Variants in ARHGAP45 observed in about 807,000 individuals in gnomAD.
ARHGAP45 encodes rho GTPase-activating protein 45.
Under a neutral mutation model 116.1 loss-of-function variants are expected in ARHGAP45, and 56 were observed. The observed-to-expected ratio is 0.48, with a 90% CI of 0.39 to 0.60. The LOEUF is 0.60. Among genes scored for constraint, ARHGAP45 ranks in the 20% least tolerant of loss-of-function variants. ARHGAP45 has a pLI of 0.00. For synonymous variants in ARHGAP45, 866 were observed against 701.7 expected, an observed-to-expected ratio of 1.23 and a Z score of -3.70; for missense variants, 1,622 against 1,601.0, an observed-to-expected ratio of 1.01 and a Z score of -0.22.
At chr19:1,073,877 C>G in intron 5 of ARHGAP45, 71 bp from the exon 6 acceptor site, 1 of 1,530,614 alleles carries the variant, frequency 6.5e-7, no homozygotes. Flanking sequence ...AGGCAGCAAC[C>G]GTCCCCTGAA....
At chr19:1,067,572 C>T (rs767394846) in intron 1 of ARHGAP45, 77 bp downstream of exon 1, 60 of 1,364,860 alleles carry the variant, frequency 4.4e-5, no homozygotes, top group Non-Finnish European at 2.7e-5. Flanking sequence ...GCTCGGGGCT[C>T]ATGCTGGGGC....
At chr19:1,083,987 C>A (rs1388057384) in intron 21 of ARHGAP45, among the ~76,000 whole-genome samples, 1 of 152,036 alleles carries the variant, frequency 6.6e-6, no homozygotes, top group Non-Finnish European at 1.5e-5. Context: ...GTGATCCGCA[C>A]CCCCCTTGGC....
In ARHGAP45 at chr19:1,078,174, T is replaced by C. The variant is rs868692337; in HGVS notation, c.1374+129T>C. On this transcript the variant is annotated intron_variant, in intron 11 of 22. Coordinates refer to ENST00000313093, the MANE Select transcript of ARHGAP45 (RefSeq NM_012292.5). ...TTTGTTTGTTTTTGAGACGGAGTCT[T>C]GCTCTGTCGCCCAGGCTGGAGTGCA... 136 of 1,406,810 alleles carry C rather than the reference T, an allele frequency of 9.7e-5. 1 individual carries two copies. In the Middle Eastern group the frequency reaches 2.4e-3, roughly 25 times the overall value. 87.1% of individuals were successfully genotyped at this position (1,406,810 alleles called of 1,614,324 possible).
intron 21 of ARHGAP45, 71 bp from the exon 22 acceptor site, chr19:1,084,167 G>A: frequency 7.1e-7 from 1 of 1,400,556 alleles, no homozygotes; most frequent in Non-Finnish European, 1.0e-6. Flanking sequence ...GGCTGTGTGG[G>A]TGGGTTTGTT....
chr19:1,078,193 GAGTGC>G (rs1191151914), intron 11 of ARHGAP45, 148 bp downstream of exon 11: 1 of 1,314,108 alleles, frequency 7.6e-7, no homozygotes, highest in East Asian at 2.6e-5. Context: ...GCCCAGGCTG[GAGTGC>G]AGTGGCACAG....
intron 11 of ARHGAP45, 32 bp from the exon 12 acceptor site, chr19:1,079,671 G>A (rs1180602137): frequency 1.9e-6 from 3 of 1,610,444 alleles, no homozygotes; most frequent in African/African-American, 2.7e-5. Flanking sequence ...CCGGGCTGAG[G>A]CCTCTCTCTG....
chr19:1,076,666 T>G (rs1207087799), intron 10 of ARHGAP45, among the ~76,000 whole-genome samples: 2 of 151,832 alleles, frequency 1.3e-5, no homozygotes, highest in African/African-American at 2.4e-5. Flanking sequence ...CTGGCTAATT[T>G]TTGTATTTTT....
chr19:1,075,015 G>T, intron 10 of ARHGAP45, 136 bp downstream of exon 10: 1 of 599,192 alleles, frequency 1.7e-6, no homozygotes, highest in Non-Finnish European at 2.3e-6. Flanking sequence ...GCGCGGCCTC[G>T]CAGGCTGGGC....
In ARHGAP45 at chr19:1,074,324, AC is replaced by A. The variant is rs776360887; in HGVS notation, c.929-15del. 17 of 1,611,398 alleles carry A rather than the reference AC, an allele frequency of 1.1e-5. No homozygotes were observed. Among genetic ancestry groups the A allele is most frequent in the Non-Finnish European group, 1.4e-5 (16 of 1,179,102 alleles). ...GGAAGGCCTTGTCCCAGCACCTCAC[AC>A]CCCTCTCCGGCCCGCAGAGATGGAG... On this transcript the variant is annotated intron_variant, in intron 7 of 22. Coordinates refer to ENST00000313093, the MANE Select transcript of ARHGAP45 (RefSeq NM_012292.5).
chr19:1,085,686 G>A lies in ARHGAP45; in HGVS notation c.3091G>A (p.Asp1031Asn). 1 of 1,587,440 alleles carries A rather than the reference G, an allele frequency of 6.3e-7. No homozygotes were observed. Among genetic ancestry groups the A allele is most frequent in the South Asian group, 1.1e-5 (1 of 89,400 alleles). Residue 1031 changes from aspartate (D) to asparagine (N), a missense_variant, in exon 23 of 23, where the codon GAC (aspartate) becomes AAC (asparagine). Physicochemically the swap from Asp to Asn is conservative, Grantham distance 23 (BLOSUM62 1). Transcript: ENST00000313093. ...RESRVVSNDS[D>N]SDLEEASELL... is the part of the protein sequence containing the mutation. ...ATCCCGAGTTGTGTCCAACGATTCG[G>A]ACTCGGACCTAGAGGAGGCCTCCGA...
chr19:1,073,123 C>A, intron 2 of ARHGAP45, 26 bp from the exon 3 acceptor site: 1 of 1,594,002 alleles, frequency 6.3e-7, no homozygotes, highest in Non-Finnish European at 8.5e-7. Flanking sequence ...CCCTACCCCA[C>A]TGCTCACTCC....
chr19:1,084,286 C>T lies in ARHGAP45; in HGVS notation c.3004C>T (p.Leu1002=). The T allele has an allele frequency of 1.2e-6, 2 of 1,613,116 alleles. No homozygotes were observed. The highest frequency in any genetic ancestry group is 1.7e-6 in the Non-Finnish European group (2 of 1,179,648). The change falls in exon 22 of 23, where the codon CTG becomes TTG. Residue 1002 remains leucine, a synonymous_variant. Transcript: ENST00000313093. The stretch of plus-strand genomic sequence containing the variant: ...TGAGGTAGTCGTCCAGGTGCCGTAC[C>T]TGGAGGCGGGCGAGGCGGTGGTCTA... The part of the protein sequence containing the change: ...RAEVVVQVPY[L]EAGEAVVYPL...
At chr19:1,077,542 C>G in intron 10 of ARHGAP45, 2 of 1,087,194 alleles carry the variant, frequency 1.8e-6, no homozygotes, top group South Asian at 3.7e-5. Flanking sequence ...CACCACAATG[C>G]CCGGCTAATT....
upstream of ARHGAP45, chr19:1,066,279 G>A: frequency 1.3e-6 from 1 of 779,724 alleles, no homozygotes; most frequent in South Asian, 1.9e-5. Flanking sequence ...TCACACTGCG[G>A]GGTGGGGGTT....
At position 1,083,214 on chromosome 19, in the gene ARHGAP45, T is replaced by C; in HGVS notation, c.2816T>C (p.Leu939Pro). 6.2e-7 allele frequency: 1 copy of C among 1,610,496 alleles called. No homozygotes were observed. Among genetic ancestry groups the C allele is most frequent in the Non-Finnish European group, 8.5e-7 (1 of 1,179,024 alleles). Residue 939 changes from leucine to proline, a missense_variant, in exon 21 of 23, where the codon CTT (leucine) becomes CCT (proline). Coordinates refer to ENST00000313093, the MANE Select transcript of ARHGAP45 (RefSeq NM_012292.5). ...NLGIVFGPTLLRPRPTEATVS... is the reference protein window; with the variant it reads ...NLGIVFGPTLPRPRPTEATVS... ...GGCATCGTGTTCGGGCCCACGCTGCTTCGGCCACGGCCCACCGAGGCCACC... is the reference window on the plus strand; with the variant it reads ...GGCATCGTGTTCGGGCCCACGCTGCCTCGGCCACGGCCCACCGAGGCCACC...
rs1481565478 is a variant in ARHGAP45, at chr19:1,080,544, G to A, written c.1909G>A (p.Ala637Thr). ...CAGTGGGCTGGACCCCGGCCCTGGC[G>A]CAGGTGAGGGAGGCTCTCTGGCGGG... ...SDSGLDPGPG[A>T]GDFKKFERTS... is the part of the protein sequence containing the mutation. The change falls in exon 15 of 23, where the codon GCA (alanine) becomes ACA (threonine). Residue 637 changes from alanine to threonine, a missense_variant. Coordinates refer to ENST00000313093, the MANE Select transcript of ARHGAP45 (RefSeq NM_012292.5). The A allele has an allele frequency of 1.9e-6, 3 of 1,612,698 alleles. No individual in the cohort carries two copies. The highest frequency in any genetic ancestry group is 2.5e-6 in the Non-Finnish European group (3 of 1,179,830).
In ARHGAP45 at chr19:1,077,867, A is replaced by C; in HGVS notation, c.1196A>C (p.Glu399Ala). ...HRAQRKLQEA[E>A]SNLRKAKQGY... is the part of the protein sequence containing the mutation. ...CTCCCACACCCACAGCAAGAGGCGGAGTCCAACCTGCGCAAGGCCAAGCAG... is the reference window on the plus strand; with the variant it reads ...CTCCCACACCCACAGCAAGAGGCGGCGTCCAACCTGCGCAAGGCCAAGCAG... Residue 399 changes from glutamate to alanine, a missense_variant, in exon 11 of 23, where the codon GAG becomes GCG. This residue lies in a region of ARHGAP45 where 1,334 missense variants were observed against 1,263.8 expected (regional missense o/e 1.06). Coordinates refer to ENST00000313093, the MANE Select transcript of ARHGAP45 (RefSeq NM_012292.5). 1 of 1,553,304 alleles carries C rather than the reference A, an allele frequency of 6.4e-7. No individual in the cohort carries two copies. Among genetic ancestry groups the C allele is most frequent in the Non-Finnish European group, 8.7e-7 (1 of 1,148,228 alleles).
At position 1,074,091 on chromosome 19, in the gene ARHGAP45, CCG is replaced by C. The variant is rs1248510096; in HGVS notation, c.791-12_791-11del. ...GGGTCGGGCCAGGCTGAGCAGGCCC[CCG>C]TTCCCTGCAGGCTGCCTGCCCGCCG... is the stretch of plus-strand genomic sequence containing the variant. On this transcript the variant is annotated splice_polypyrimidine_tract_variant and intron_variant, in intron 6 of 22. Transcript: ENST00000313093. The C allele has an allele frequency of 7.5e-6, 12 of 1,610,480 alleles. No homozygotes were observed. Among genetic ancestry groups the C allele is most frequent in the African/African-American group, 2.7e-5 (2 of 74,922 alleles).
rs1302648887 is a variant in ARHGAP45, at chr19:1,074,863, G to A, written c.1169G>A (p.Arg390His). ...RRKEIKEAWH[R>H]AQRKLQEAES... Reference sequence around the variant, plus strand: ...AAGGAGATCAAGGAGGCCTGGCACCGTGCCCAGAGGAAGCTGGTGAGGCGG... The same window carrying A: ...AAGGAGATCAAGGAGGCCTGGCACCATGCCCAGAGGAAGCTGGTGAGGCGG... Residue 390 changes from arginine to histidine, a missense_variant, in exon 10 of 23, where the codon CGT becomes CAT. Transcript: ENST00000313093. The A allele has an allele frequency of 2.2e-6, 3 of 1,373,820 alleles. 1 individual carries two copies. The East Asian group carries it at 1.2e-4, about 55-fold the overall frequency. 85.1% of individuals were successfully genotyped at this position (1,373,820 alleles called of 1,614,324 possible). A position where few individuals can be genotyped will look rare whatever the true frequency, so the allele number is the denominator to read the frequency against.
Sources: gnomAD v4.1 joint callset for allele counts (sites outside exome capture counted in the v4.1 genomes callset) on GRCh38, gnomAD v4.1.1 for gene constraint, gnomAD v4.1.1 regional missense constraint, MANE v1.5 for transcripts, NCBI Gene and HGNC (gene_info 2026-07-23, HGNC 2026-07-21) for gene names.